Variants in GLIS3 observed in about 807,000 individuals in gnomAD.
The protein encoded by GLIS3 is GLIS family zinc finger 3.
In GLIS3, 53 loss-of-function variants were observed where a neutral mutation model predicts 78.6. The ratio of observed to expected loss-of-function variants is 0.67; its 90% CI spans 0.54 to 0.85. The LOEUF is 0.85. GLIS3 is among the 40% of genes least tolerant of loss of function. The pLI, the probability that GLIS3 is intolerant of heterozygous loss-of-function variation, is 0.00. For missense variants in GLIS3, 1,703 were observed against 1,231.1 expected (o/e 1.38, Z -5.74); for synonymous variants, 684 against 509.9 (o/e 1.34, Z -4.60).
the GLIS3 span, among the ~76,000 whole-genome samples, chr9:4,423,463 T>C: frequency 6.6e-6 from 1 of 151,880 alleles, no homozygotes; most frequent in African/African-American, 2.4e-5. Flanking sequence ...CCCCAGACCT[T>C]TAGAAAAACC....
intron 4 of GLIS3, among the ~76,000 whole-genome samples, chr9:4,034,030 T>C (rs1173349982): frequency 1.3e-5 from 2 of 151,930 alleles, no homozygotes; most frequent in East Asian, 1.9e-4. Context: ...AATAACAGCC[T>C]AGGCAACATT....
At chr9:3,978,279 C>T (rs1353406835) in intron 4 of GLIS3, among the ~76,000 whole-genome samples, 4 of 151,602 alleles carry the variant, frequency 2.6e-5, no homozygotes, top group Non-Finnish European at 5.9e-5. Context: ...ATTCTTGTTA[C>T]ATGAAGAAAA....
chr9:4,230,086 G>A (rs907594830), intron 2 of GLIS3, among the ~76,000 whole-genome samples: 6 of 152,194 alleles, frequency 3.9e-5, no homozygotes, highest in East Asian at 3.8e-4. Flanking sequence ...AAAGGCCGAC[G>A]GGCCAAGTGA....
chr9:4,345,506 T>A (rs557897121), intron 2 of GLIS3, among the ~76,000 whole-genome samples: 3 of 152,376 alleles, frequency 2.0e-5, no homozygotes, highest in Non-Finnish European at 4.4e-5. Flanking sequence ...TAAGTATTTT[T>A]AAATGTATCA....
intron 2 of GLIS3, among the ~76,000 whole-genome samples, chr9:4,262,955 A>C (rs1825661016): frequency 2.0e-5 from 3 of 151,650 alleles, no homozygotes; most frequent in Admixed American, 1.3e-4. Context: ...AAAAAAAAAA[A>C]ATCCCACAGC....
At chr9:4,483,921 T>C in the GLIS3 span, among the ~76,000 whole-genome samples, 1 of 152,120 alleles carries the variant, frequency 6.6e-6, no homozygotes, top group South Asian at 2.1e-4. Flanking sequence ...AGCAGCCTCA[T>C]GAAGAAACAA....
chr9:4,185,715 C>T (rs1817724816), intron 2 of GLIS3, among the ~76,000 whole-genome samples: 1 of 152,178 alleles, frequency 6.6e-6, no homozygotes, highest in South Asian at 2.1e-4. Flanking sequence ...GAAGAAAGTG[C>T]TCTTTCTAGC....
chr9:4,163,363 A>C (rs1835652103), intron 2 of GLIS3, among the ~76,000 whole-genome samples: 1 of 152,288 alleles, frequency 6.6e-6, no homozygotes, highest in Admixed American at 6.5e-5. Flanking sequence ...GAATATTAAG[A>C]GCTGGAGGAT....
intron 2 of GLIS3, among the ~76,000 whole-genome samples, chr9:4,164,435 G>A (rs142065849): frequency 1.3e-5 from 2 of 152,184 alleles, no homozygotes; most frequent in South Asian, 2.1e-4. Flanking sequence ...CAATGCAAAA[G>A]CTCATTTCTT....
At chr9:4,385,721 G>T in the GLIS3 span, among the ~76,000 whole-genome samples, 2 of 49,390 alleles carry the variant, frequency 4.0e-5, no homozygotes, top group African/African-American at 1.4e-4. Flanking sequence ...GAGAGAGAGA[G>T]AGAAAGAAAG....
chr9:3,854,173 C>T (rs142645193), intron 9 of GLIS3, among the ~76,000 whole-genome samples: 4 of 152,284 alleles, frequency 2.6e-5, no homozygotes, highest in African/African-American at 7.2e-5. Flanking sequence ...ATAAACTCCT[C>T]GACTGGACTG....
rs549237271 is a variant in GLIS3, at chr9:4,342,948, T to A, written n.264+4133A>T. Among the ~76,000 whole-genome samples, 52 of 152,342 alleles carry A rather than the reference T, an allele frequency of 3.4e-4. 2 individuals are homozygous for A. The South Asian group carries it at 6.2e-3, about 18-fold the overall frequency. On this transcript the variant is annotated intron_variant and non_coding_transcript_variant, in intron 2 of 4. Transcript: ENST00000471664. The stretch of plus-strand genomic sequence containing the variant: ...CTGATTTTTGTACACTGGTTTTGTA[T>A]CCTCAAACTTTGCTGAAGTTGTTTA...
intron 4 of GLIS3, among the ~76,000 whole-genome samples, chr9:4,025,732 A>G (rs1272620680): frequency 6.6e-6 from 1 of 152,182 alleles, no homozygotes; most frequent in East Asian, 1.9e-4. Flanking sequence ...TGAGTCTCAC[A>G]TAATTATTAA....
At chr9:4,453,178 C>T in the GLIS3 span, among the ~76,000 whole-genome samples, 1 of 152,190 alleles carries the variant, frequency 6.6e-6, no homozygotes, top group Admixed American at 6.5e-5. Flanking sequence ...GGATTAAAGA[C>T]TTAAATGTTA....
chr9:4,308,483 G>C (rs573819640), intron 4 of GLIS3, among the ~76,000 whole-genome samples: 270 of 152,128 alleles, frequency 1.8e-3, no homozygotes, highest in African/African-American at 6.3e-3. Context: ...AAAGGACCTT[G>C]TTCTGCCCCC....
chr9:4,137,805 T>C (rs1010080576), intron 2 of GLIS3, among the ~76,000 whole-genome samples: 1 of 152,200 alleles, frequency 6.6e-6, no homozygotes, highest in African/African-American at 2.4e-5. Context: ...TAGAGACTCT[T>C]AGTATAGCAA....
At chr9:4,364,549 T>C in the GLIS3 span, among the ~76,000 whole-genome samples, 991 of 152,124 alleles carry the variant, frequency 6.5e-3, 18 homozygotes, top group African/African-American at 0.022. Context: ...TACAAAACAA[T>C]ATCCATAATG....
intron 4 of GLIS3, among the ~76,000 whole-genome samples, chr9:4,016,918 T>C (rs16920383): frequency 0.026 from 3,946 of 152,196 alleles, 182 homozygotes; most frequent in African/African-American, 0.09. Flanking sequence ...GTCTCACTCT[T>C]GGGTAACGCA....
intron 4 of GLIS3, among the ~76,000 whole-genome samples, chr9:4,000,039 A>G (rs1474591715): frequency 6.6e-6 from 1 of 152,182 alleles, no homozygotes; most frequent in East Asian, 1.9e-4. Flanking sequence ...AGTGATCAGA[A>G]CAATGTTACT....
Sources: gnomAD v4.1 joint callset for allele counts (sites outside exome capture counted in the v4.1 genomes callset) on GRCh38, gnomAD v4.1.1 for gene constraint, MANE v1.5 for transcripts, NCBI Gene and HGNC (gene_info 2026-07-23, HGNC 2026-07-21) for gene names.